The following WDR76 variants were observed in gnomAD, a reference collection of about 807,000 sequenced individuals.
WDR76 encodes WD repeat domain 76, also known as WD repeat-containing protein 76.
Under a neutral mutation model 70.2 loss-of-function variants are expected in WDR76, and 52 were observed. That is an observed-to-expected ratio of 0.74 (90% confidence interval 0.59 to 0.93). The LOEUF (loss-of-function observed/expected upper bound fraction) is 0.93, where lower values mean the gene tolerates loss of function less well. Among genes scored for constraint, WDR76 ranks in the 40% least tolerant of loss-of-function variants. The probability of loss-of-function intolerance (pLI) is 0.00; values close to 1 mark genes in which losing one functional copy is unlikely to be tolerated. For synonymous variants in WDR76, 292 were observed against 271.1 expected (o/e 1.08, Z -0.76); for missense variants, 756 against 760.2 (o/e 0.99, Z 0.07).
chr15:43,858,699 T>C lies in WDR76; in HGVS notation c.1438T>C (p.Leu480=), dbSNP rs1353324464. 1 of 1,613,992 alleles carries C rather than the reference T, an allele frequency of 6.2e-7. No individual in the cohort carries two copies. Among genetic ancestry groups the C allele is most frequent in the African/African-American group, 1.3e-5 (1 of 74,930 alleles). Residue 480 remains leucine (L), a synonymous_variant, in exon 11 of 13, where the codon TTG becomes CTG. Coordinates refer to ENST00000263795, the MANE Select transcript of WDR76 (RefSeq NM_024908.4). The part of the protein sequence containing the change: ...RDTHIYDARR[L]NSRRSQPLIS... ...TACTCATATTTATGATGCAAGGCGA[T>C]TGAATTCCAGGAGAAGTCAGCCTTT... is the stretch of plus-strand genomic sequence containing the variant.
chr15:43,860,601 C>G (rs1048404276), intron 11 of WDR76, among the ~76,000 whole-genome samples: 2 of 152,036 alleles, frequency 1.3e-5, no homozygotes, highest in Non-Finnish European at 2.9e-5. Flanking sequence ...CTTACGGGCT[C>G]TAGCAATCTT....
chr15:43,851,768 T>C lies in WDR76; in HGVS notation c.1191+523T>C, dbSNP rs555788474. ...GGGCAACATGGCGAGACCTTGTCTC[T>C]ACAGAAAATAAAAAATATTAGCTGA... On this transcript the variant is annotated intron_variant, in intron 9 of 12. Coordinates refer to ENST00000263795, the MANE Select transcript of WDR76 (RefSeq NM_024908.4). Among the ~76,000 whole-genome samples the C allele has an allele frequency of 2.6e-5, 4 of 152,336 alleles. No individual in the cohort carries two copies. The South Asian group carries it at 8.3e-4, about 32-fold the overall frequency.
chr15:43,856,628 TAGAA>T (rs1449209761), intron 9 of WDR76, among the ~76,000 whole-genome samples: 1 of 151,654 alleles, frequency 6.6e-6, no homozygotes, highest in Non-Finnish European at 1.5e-5. Flanking sequence ...AATTTTCAGT[TAGAA>T]GGAATAAGTT....
At chr15:43,860,910 C>CTTTTTTTTTT (rs34504509) in intron 11 of WDR76, among the ~76,000 whole-genome samples, 7 of 78,994 alleles carry the variant, frequency 8.9e-5, no homozygotes, top group East Asian at 3.7e-4. Flanking sequence ...TGATCTTACT[C>CTTTTTTTTTT]TTTTTTTTTT....
chr15:43,827,999 A>T lies in WDR76; in HGVS notation c.95A>T (p.Tyr32Phe). 1 of 1,608,298 alleles carries T rather than the reference A, an allele frequency of 6.2e-7. No individual in the cohort carries two copies. Among genetic ancestry groups the T allele is most frequent in the Non-Finnish European group, 8.5e-7 (1 of 1,178,656 alleles). Residue 32 changes from tyrosine to phenylalanine, a missense_variant, in exon 2 of 13, where the codon TAT becomes TTT. Tyr to Phe is a conservative substitution (Grantham distance 22). Coordinates refer to ENST00000263795, the MANE Select transcript of WDR76 (RefSeq NM_024908.4). ...NEYKENQNIAYVSLRPAQTTV... is the reference protein window; with the variant it reads ...NEYKENQNIAFVSLRPAQTTV... ...TATAAAGAAAATCAAAACATCGCTT[A>T]TGTGTCTCTGAGACCAGCACAGACT...
intron 9 of WDR76, among the ~76,000 whole-genome samples, chr15:43,856,627 T>C (rs1484997468): frequency 6.6e-6 from 1 of 151,498 alleles, no homozygotes; most frequent in African/African-American, 2.4e-5. Context: ...TAATTTTCAG[T>C]TAGAAGGAAT....
intron 11 of WDR76, among the ~76,000 whole-genome samples, chr15:43,860,509 CAG>C (rs1373996005): frequency 6.6e-6 from 1 of 151,990 alleles, no homozygotes; most frequent in African/African-American, 2.4e-5. Flanking sequence ...TTTTTAGAGA[CAG>C]TATCTCTTTG....
intron 8 of WDR76, among the ~76,000 whole-genome samples, chr15:43,847,379 G>A (rs1162257217): frequency 2.0e-5 from 3 of 151,740 alleles, no homozygotes; most frequent in South Asian, 2.1e-4. Context: ...TCGTGCCTCA[G>A]CCTCCTGAGT....
rs573400341 is a variant in WDR76 at position 43,827,163 on chromosome 15, G to T, written c.60+71G>T. On this transcript the variant is annotated intron_variant, in intron 1 of 12. Coordinates refer to ENST00000263795, the MANE Select transcript of WDR76 (RefSeq NM_024908.4). ...TTTGTGAGGGTTATGCGGGACACAG[G>T]CCCAGGAGGTCGAGGGCACCTGGCA... The T allele has an allele frequency of 1.9e-6, 3 of 1,602,980 alleles. No homozygotes were observed. The African/African-American group carries it at 4.0e-5, about 21-fold the overall frequency.
intron 8 of WDR76, among the ~76,000 whole-genome samples, chr15:43,845,191 T>C (rs2087773586): frequency 1.3e-5 from 2 of 149,328 alleles, no homozygotes; most frequent in Non-Finnish European, 3.0e-5. Flanking sequence ...CCTCGTGATC[T>C]GCCTGCCTTG....
At chr15:43,852,247 G>C (rs902911669) in intron 9 of WDR76, among the ~76,000 whole-genome samples, 2 of 152,062 alleles carry the variant, frequency 1.3e-5, no homozygotes, top group African/African-American at 4.8e-5. Context: ...GCAGTGGCGA[G>C]ATCTCGGCTC....
intron 4 of WDR76, among the ~76,000 whole-genome samples, chr15:43,836,794 G>T (rs1461049719): frequency 6.6e-6 from 1 of 151,820 alleles, no homozygotes; most frequent in Admixed American, 6.6e-5. Flanking sequence ...CACTTTGGGA[G>T]GTTGAGTCAG....
At chr15:43,835,193 A>G (rs778808656) in intron 3 of WDR76, 43 bp downstream of exon 3, 9 of 1,570,926 alleles carry the variant, frequency 5.7e-6, no homozygotes, top group Non-Finnish European at 7.9e-6. Flanking sequence ...AGGGCCGGGA[A>G]CAGTGGGTAG....
intron 12 of WDR76, among the ~76,000 whole-genome samples, chr15:43,865,115 A>G (rs2088053952): frequency 8.4e-6 from 1 of 119,648 alleles, no homozygotes; most frequent in Non-Finnish European, 1.7e-5. Flanking sequence ...TTTTTTTTTG[A>G]GACAGAATCT....
At chr15:43,828,420 T>C in intron 2 of WDR76, 54 bp downstream of exon 2, 2 of 1,519,482 alleles carry the variant, frequency 1.3e-6, no homozygotes, top group Non-Finnish European at 1.8e-6. Flanking sequence ...AATTTGAAGT[T>C]CTGATAAATC....
chr15:43,856,211 T>G (rs1452238449), intron 9 of WDR76, among the ~76,000 whole-genome samples: 1 of 152,248 alleles, frequency 6.6e-6, no homozygotes, highest in African/African-American at 2.4e-5. Flanking sequence ...ATGTTGCTTC[T>G]TATTGCTATT....
At chr15:43,854,152 A>G (rs1387620756) in intron 9 of WDR76, among the ~76,000 whole-genome samples, 2 of 152,190 alleles carry the variant, frequency 1.3e-5, no homozygotes, top group African/African-American at 4.8e-5. Context: ...AGTTCCTTAA[A>G]TGTTAAACAG....
chr15:43,853,425 A>C (rs1450567271), intron 9 of WDR76, among the ~76,000 whole-genome samples: 21 of 151,954 alleles, frequency 1.4e-4, no homozygotes. Context: ...TCCTGAGCTC[A>C]AGTGATCTGC....
At chr15:43,845,405 T>C (rs760148918) in intron 8 of WDR76, among the ~76,000 whole-genome samples, 3 of 150,150 alleles carry the variant, frequency 2.0e-5, no homozygotes, top group Non-Finnish European at 1.5e-5. Flanking sequence ...TTAGTGCCCT[T>C]ATAAAAGAAA....
Sources: allele counts gnomAD v4.1 joint callset (sites outside exome capture counted in the v4.1 genomes callset), GRCh38; gene constraint gnomAD v4.1.1; transcripts MANE v1.5; gene names NCBI Gene and HGNC (gene_info 2026-07-23, HGNC 2026-07-21).